The following WDR20 variants were observed in gnomAD, a reference collection of about 807,000 sequenced individuals.
The protein encoded by WDR20 is WD repeat domain 20.
WDR20 carries 3 observed loss-of-function variants against 38.7 expected under a neutral mutation model. The observed-to-expected ratio is 0.08, with a 90% confidence interval of 0.04 to 0.20. The LOEUF is 0.20. Ranked by LOEUF, WDR20 falls within the 10% of genes least tolerant of loss-of-function variation. The probability of loss-of-function intolerance (pLI) is 1.00; values close to 1 mark genes in which losing one functional copy is unlikely to be tolerated. For synonymous variants in WDR20, 298 were observed against 285.6 expected (o/e 1.04, Z -0.44); for missense variants, 559 against 727.7 (o/e 0.77, Z 2.67).
chr14:102,156,770 G>A (rs142719180), intron 1 of WDR20, among the ~76,000 whole-genome samples: 1 of 152,180 alleles, frequency 6.6e-6, no homozygotes, highest in African/African-American at 2.4e-5. Context: ...GCTGAGGTGG[G>A]CGGATTATCT....
intron 1 of WDR20, among the ~76,000 whole-genome samples, chr14:102,172,935 G>T (rs1477499421): frequency 2.7e-5 from 4 of 148,826 alleles, no homozygotes; most frequent in Non-Finnish European, 6.0e-5. Context: ...CCCAGACGGG[G>T]TCGCGACTGG....
chr14:102,215,588 A>G (rs1371532642), downstream of WDR20, among the ~76,000 whole-genome samples: 1 of 152,066 alleles, frequency 6.6e-6, no homozygotes, highest in African/African-American at 2.4e-5. Flanking sequence ...CCCCGCATGC[A>G]TTAGGTATTT....
At chr14:102,156,344 G>A (rs2057378318) in intron 1 of WDR20, among the ~76,000 whole-genome samples, 1 of 150,764 alleles carries the variant, frequency 6.6e-6, no homozygotes, top group African/African-American at 2.4e-5. Flanking sequence ...ATTTTTTTGT[G>A]TTTTTAGCAG....
At chr14:102,156,629 CT>C (rs1176661452) in intron 1 of WDR20, among the ~76,000 whole-genome samples, 1 of 152,016 alleles carries the variant, frequency 6.6e-6, no homozygotes, top group African/African-American at 2.4e-5. Context: ...CTGCTCTGGC[CT>C]CCCAGAGTCC....
intron 1 of WDR20, among the ~76,000 whole-genome samples, chr14:102,156,713 G>C (rs981961565): frequency 1.2e-4 from 18 of 151,918 alleles, no homozygotes; most frequent in Non-Finnish European, 2.2e-4. Context: ...AAAAACTATT[G>C]GGGCCAGGTG....
intron 1 of WDR20, among the ~76,000 whole-genome samples, chr14:102,147,290 G>A (rs964088620): frequency 3.9e-5 from 6 of 152,184 alleles, no homozygotes; most frequent in Non-Finnish European, 7.4e-5. Flanking sequence ...AGCTACTCAG[G>A]AGGCAGGAGA....
intron 2 of WDR20, chr14:102,197,664 C>CG: frequency 3.3e-6 from 2 of 597,664 alleles, no homozygotes; most frequent in Non-Finnish European, 3.0e-6. Context: ...TTTCATGTCA[C>CG]GTGAAGCAAT....
At chr14:102,178,924 T>A (rs1438407088) in intron 1 of WDR20, 1 of 152,010 alleles carries the variant, frequency 6.6e-6, no homozygotes, top group Non-Finnish European at 1.5e-5. Flanking sequence ...TATATAGAGA[T>A]GAGAGAGGGG....
intron 1 of WDR20, among the ~76,000 whole-genome samples, chr14:102,156,016 G>A (rs965114019): frequency 4.7e-5 from 7 of 150,368 alleles, no homozygotes; most frequent in African/African-American, 9.8e-5. Context: ...GGGCTCATGC[G>A]AACCTCCCAC....
chr14:102,195,179 C>T (rs1446644613), intron 2 of WDR20, 59 bp downstream of exon 2: 20 of 1,559,586 alleles, frequency 1.3e-5, no homozygotes, highest in South Asian at 9.6e-5. Context: ...ACATTCTTAC[C>T]GAGGGTAGTC....
At chr14:102,152,452 G>A (rs2056238982) in intron 1 of WDR20, among the ~76,000 whole-genome samples, 1 of 144,636 alleles carries the variant, frequency 6.9e-6, no homozygotes, top group African/African-American at 2.5e-5. Flanking sequence ...GTCTTGCTCT[G>A]TCACCAGGCT....
rs531884111 is a variant in WDR20 at position 102,157,674 on chromosome 14, G to A, written c.249+17502G>A. 2.0e-5 allele frequency among the ~76,000 whole-genome samples: 3 copies of A among 152,218 alleles called. No homozygotes were observed. The South Asian group carries it at 6.2e-4, about 32-fold the overall frequency. ...ATAAGGTGTCATTTGAATTCAGATG[G>A]TGGGTCAGCTGAAAGGGGAGGGGAT... On this transcript the variant is annotated intron_variant, in intron 1 of 2. Transcript: ENST00000342702.
intron 2 of WDR20, 76 bp downstream of exon 2, chr14:102,195,196 A>G: frequency 6.6e-7 from 1 of 1,521,316 alleles, no homozygotes; most frequent in Non-Finnish European, 8.9e-7. Flanking sequence ...AGTCGGCCTT[A>G]TTTTGCACTT....
chr14:102,177,160 A>G (rs551369890), intron 1 of WDR20, among the ~76,000 whole-genome samples: 1 of 152,164 alleles, frequency 6.6e-6, no homozygotes, highest in Admixed American at 6.5e-5. Context: ...CTCTATCATC[A>G]TTTCTCCTGA....
chr14:102,156,986 G>A (rs866392368), intron 1 of WDR20, among the ~76,000 whole-genome samples: 3 of 152,062 alleles, frequency 2.0e-5, no homozygotes, highest in South Asian at 2.1e-4. Flanking sequence ...GCAAGACTCC[G>A]TCTCAAAATA....
At chr14:102,154,701 A>G (rs1441643335) in intron 1 of WDR20, among the ~76,000 whole-genome samples, 1 of 152,122 alleles carries the variant, frequency 6.6e-6, no homozygotes, top group South Asian at 2.1e-4. Context: ...AGTGCTTGGC[A>G]TGTTGCAGGC....
intron 2 of WDR20, among the ~76,000 whole-genome samples, chr14:102,198,760 CT>C (rs2059827804): frequency 1.3e-5 from 2 of 152,092 alleles, no homozygotes; most frequent in South Asian, 2.1e-4. Context: ...ACCCTGGCTG[CT>C]TTTTGGAGAC....
Position 102,148,114 on chromosome 14 carries a change from GGTTA to G in WDR20, c.249+7946_249+7949del, listed in dbSNP as rs141357030. Among the ~76,000 whole-genome samples the G allele has an allele frequency of 1.5e-3, 230 of 152,306 alleles. 3 individuals carry two copies. The East Asian group carries it at 0.043, about 28-fold the overall frequency. ...AATAATTCTGTTTGTTTCTCAGTGA[GGTTA>G]GTTTGTGCAGTAATATGAAATGTGA... On this transcript the variant is annotated intron_variant, in intron 1 of 2. Coordinates refer to ENST00000342702, the MANE Select transcript of WDR20 (RefSeq NM_144574.4).
downstream of WDR20, among the ~76,000 whole-genome samples, chr14:102,212,047 G>A (rs181796854): frequency 1.1e-4 from 17 of 152,228 alleles, no homozygotes; most frequent in Admixed American, 7.8e-4. Context: ...GGGATTGCAG[G>A]GGTACACTGA....
Sources: gnomAD v4.1 joint callset for allele counts (sites outside exome capture counted in the v4.1 genomes callset) on GRCh38, gnomAD v4.1.1 for gene constraint, MANE v1.5 for transcripts, NCBI Gene and HGNC (gene_info 2026-07-23, HGNC 2026-07-21) for gene names.